Variants in PDE1C observed in about 807,000 individuals in gnomAD.
The protein encoded by PDE1C is dual specificity calcium/calmodulin-dependent 3',5'-cyclic nucleotide phosphodiesterase 1C.
Under a neutral mutation model 93.1 loss-of-function variants are expected in PDE1C, and 62 were observed. The observed-to-expected ratio is 0.67, with a 90% CI of 0.54 to 0.82. The LOEUF (loss-of-function observed/expected upper bound fraction) is 0.82. PDE1C is among the 40% of genes least tolerant of loss of function. The probability of loss-of-function intolerance (pLI) is 0.00; values close to 1 mark genes in which losing one functional copy is unlikely to be tolerated. For synonymous variants in PDE1C, 325 were observed against 310.1 expected (o/e 1.05, Z -0.50); for missense variants, 742 against 884.6 (o/e 0.84, Z 2.04).
At chr7:31,960,322 C>A (rs1026019632) in intron 2 of PDE1C, among the ~76,000 whole-genome samples, 3 of 152,196 alleles carry the variant, frequency 2.0e-5, no homozygotes, top group Non-Finnish European at 2.9e-5. Flanking sequence ...GACACAACAT[C>A]ATTTCTGTGA....
exon 1 of PDE1C, chr7:32,298,963 G>A: frequency 7.7e-7 from 1 of 1,304,450 alleles, no homozygotes; most frequent in Non-Finnish European, 9.7e-7. Context: ...GAGCCGTCGC[G>A]ACTGCCCCAT....
At chr7:32,301,280 A>G (rs1452187455), upstream of PDE1C, among the ~76,000 whole-genome samples, 1 of 152,174 alleles carries the variant, frequency 6.6e-6, no homozygotes, top group Non-Finnish European at 1.5e-5. Flanking sequence ...GAGGAACCTG[A>G]AAGCCCTGAG....
chr7:31,637,917 G>A, the PDE1C span, among the ~76,000 whole-genome samples: 1 of 152,084 alleles, frequency 6.6e-6, no homozygotes, highest in African/African-American at 2.4e-5. Context: ...TTTTGTATAA[G>A]GTGTAAGGAA....
intron 3 of PDE1C, among the ~76,000 whole-genome samples, chr7:32,082,006 G>C (rs1796692637): frequency 6.6e-6 from 1 of 152,194 alleles, no homozygotes; most frequent in African/African-American, 2.4e-5. Flanking sequence ...GCCAGATAGT[G>C]GGTGCAGGAC....
the PDE1C span, among the ~76,000 whole-genome samples, chr7:31,629,204 G>A: frequency 6.6e-6 from 1 of 152,032 alleles, no homozygotes; most frequent in Non-Finnish European, 1.5e-5. Flanking sequence ...ATTCAAAATC[G>A]GATCTGCCCT....
chr7:32,140,261 G>A (rs1334669831), intron 3 of PDE1C, among the ~76,000 whole-genome samples: 1 of 152,138 alleles, frequency 6.6e-6, no homozygotes, highest in Non-Finnish European at 1.5e-5. Context: ...AGTTACAGTG[G>A]TCACCTGACT....
intron 2 of PDE1C, among the ~76,000 whole-genome samples, chr7:32,045,005 G>T (rs909031253): frequency 1.3e-5 from 2 of 151,972 alleles, no homozygotes; most frequent in Non-Finnish European, 2.9e-5. Flanking sequence ...CCAGGTGAAA[G>T]CCTCTAAATA....
chr7:32,071,036 C>G (rs954844592), upstream of PDE1C: 10 of 985,384 alleles, frequency 1.0e-5, no homozygotes, highest in East Asian at 1.0e-3. Context: ...TCTGTCAGCG[C>G]CCGGGCTGGT....
At chr7:31,835,802 C>T (rs1358832121) in intron 11 of PDE1C, among the ~76,000 whole-genome samples, 1 of 151,856 alleles carries the variant, frequency 6.6e-6, no homozygotes, top group Non-Finnish European at 1.5e-5. Flanking sequence ...TAACTCTAGC[C>T]CTACTTCATT....
At chr7:32,158,090 C>G (rs1801690333) in intron 3 of PDE1C, among the ~76,000 whole-genome samples, 1 of 152,186 alleles carries the variant, frequency 6.6e-6, no homozygotes, top group Non-Finnish European at 1.5e-5. Flanking sequence ...AGGTCCCCTT[C>G]ACACACAGTT....
chr7:32,068,110 A>C (rs1795616452), intron 1 of PDE1C, among the ~76,000 whole-genome samples: 1 of 152,258 alleles, frequency 6.6e-6, no homozygotes, highest in Admixed American at 6.5e-5. Context: ...GGTCACCTAC[A>C]GAGCCCTTTC....
the PDE1C span, chr7:31,651,366 G>A: frequency 7.3e-7 from 1 of 1,365,920 alleles, no homozygotes; most frequent in South Asian, 1.8e-5. Context: ...CTGGAGCAGA[G>A]CTAATGAGAA....
intron 1 of PDE1C, among the ~76,000 whole-genome samples, chr7:32,274,306 C>T (rs1407645235): frequency 6.7e-6 from 1 of 149,562 alleles, no homozygotes; most frequent in African/African-American, 2.5e-5. Context: ...CTCCTGAGCT[C>T]AAATGATCCT....
At chr7:31,892,099 T>C (rs748454028) in intron 2 of PDE1C, among the ~76,000 whole-genome samples, 11 of 152,174 alleles carry the variant, frequency 7.2e-5, no homozygotes, top group Non-Finnish European at 1.5e-4. Flanking sequence ...AGGCTGGACA[T>C]AGTTGTCCTT....
chr7:32,160,873 T>C (rs1229998172), intron 3 of PDE1C, among the ~76,000 whole-genome samples: 1 of 151,700 alleles, frequency 6.6e-6, no homozygotes, highest in Non-Finnish European at 1.5e-5. Flanking sequence ...GAAGAAGGAA[T>C]ATGATGGGAG....
chr7:32,158,452 C>A (rs1413431332), intron 3 of PDE1C, among the ~76,000 whole-genome samples: 1 of 152,194 alleles, frequency 6.6e-6, no homozygotes, highest in African/African-American at 2.4e-5. Context: ...TGGGGATCTG[C>A]AGCTAGGATA....
At chr7:32,275,543 A>G (rs1034953083) in intron 1 of PDE1C, among the ~76,000 whole-genome samples, 1 of 152,154 alleles carries the variant, frequency 6.6e-6, no homozygotes, top group Admixed American at 6.5e-5. Flanking sequence ...AGAGTTTGAC[A>G]TCAAACAAAT....
the PDE1C span, among the ~76,000 whole-genome samples, chr7:31,620,184 CAGACAAACAAAA>C: frequency 6.6e-6 from 1 of 152,122 alleles, no homozygotes; most frequent in African/African-American, 2.4e-5. Flanking sequence ...GGGCAGGGCA[CAGACAAACAAAA>C]AGACAGCAGT....
chr7:31,758,481 C>T (rs1044764147), intron 17 of PDE1C, among the ~76,000 whole-genome samples: 5 of 152,114 alleles, frequency 3.3e-5, no homozygotes, highest in African/African-American at 1.2e-4. Context: ...AAATCCCTGC[C>T]TTTATAGGGC....
Sources: allele counts gnomAD v4.1 joint callset (sites outside exome capture counted in the v4.1 genomes callset), GRCh38; gene constraint gnomAD v4.1.1; transcripts MANE v1.5; gene names NCBI Gene and HGNC (gene_info 2026-07-23, HGNC 2026-07-21).